Variants in MAP9 observed in about 807,000 individuals in gnomAD.
MAP9 encodes microtubule-associated protein 9.
Under a neutral mutation model 75.2 loss-of-function variants are expected in MAP9, and 80 were observed. The ratio of observed to expected loss-of-function variants is 1.06; its 90% CI spans 0.89 to 1.28. The LOEUF (loss-of-function observed/expected upper bound fraction) is 1.28. Among genes scored for constraint, MAP9 ranks in the 50% most tolerant of loss-of-function variants. The probability of loss-of-function intolerance (pLI) is 0.00; values close to 1 mark genes in which losing one functional copy is unlikely to be tolerated. For synonymous variants in MAP9, 235 were observed against 237.3 expected, an observed-to-expected ratio of 0.99 and a Z score of 0.09; for missense variants, 753 against 719.9, an observed-to-expected ratio of 1.05 and a Z score of -0.53.
In MAP9 at chr4:155,357,568, T is replaced by G. The variant is rs749193843; in HGVS notation, c.1051-49A>C. The G allele has an allele frequency of 1.5e-5, 17 of 1,162,526 alleles. 1 individual carries two copies. In the East Asian group the frequency reaches 4.0e-4, roughly 28 times the overall value. The allele number at this position is 1,162,526 out of a possible 1,614,324, so 72.0% of individuals were successfully genotyped here. ...ATGATTTATTCATGACAACTATCCT[T>G]TTTAGGCTTAGAAGCCAAACTGCCA... On this transcript the variant is annotated intron_variant, in intron 7 of 13. Coordinates refer to ENST00000311277, the MANE Select transcript of MAP9 (RefSeq NM_001039580.2).
At position 155,357,476 on chromosome 4, in the gene MAP9, T is replaced by C; in HGVS notation, c.1094A>G (p.Asn365Ser). 1 of 1,560,992 alleles carries C rather than the reference T, an allele frequency of 6.4e-7. No individual in the cohort carries two copies. Among genetic ancestry groups the C allele is most frequent in the Non-Finnish European group, 8.8e-7 (1 of 1,132,640 alleles). ...GGCAGATGCACTGGATGCTCTATTA[T>C]TTGTTGACTTTTTATTCTTTATATT... is the stretch of plus-strand genomic sequence containing the variant. ...DRNIKNKKST[N>S]NRASSASARL... Residue 365 changes from asparagine (N) to serine (S), a missense_variant, in exon 8 of 14, where the codon AAT becomes AGT. By Grantham distance (46) the Asn-to-Ser change is conservative. Transcript: ENST00000311277.
rs1289562688 is a variant in MAP9, at chr4:155,364,415, T to C, written c.709-2274A>G. Among the ~76,000 whole-genome samples, 6 of 149,612 alleles carry C rather than the reference T, an allele frequency of 4.0e-5. 1 individual carries two copies. In the South Asian group the frequency reaches 6.2e-4, roughly 16 times the overall value. ...GAAATGAAGATCCCTAGAAATTGTA[T>C]ATGTATTTATAGATATGTAATATCT... On this transcript the variant is annotated intron_variant, in intron 5 of 13. Coordinates refer to ENST00000311277, the MANE Select transcript of MAP9 (RefSeq NM_001039580.2).
intron 3 of MAP9, among the ~76,000 whole-genome samples, chr4:155,374,570 C>G (rs1322841190): frequency 6.6e-6 from 1 of 152,128 alleles, no homozygotes; most frequent in Non-Finnish European, 1.5e-5. Context: ...AAGTTTAGTT[C>G]TGTGGGACTA....
At chr4:155,365,162 T>G (rs963269525) in intron 5 of MAP9, among the ~76,000 whole-genome samples, 1 of 151,916 alleles carries the variant, frequency 6.6e-6, no homozygotes, top group African/African-American at 2.4e-5. Flanking sequence ...AGAGATTCAC[T>G]TACATGAAAA....
At chr4:155,356,030 G>GA in intron 8 of MAP9, 146 bp from the exon 9 acceptor site, 9 of 698,316 alleles carry the variant, frequency 1.3e-5, no homozygotes, top group Non-Finnish European at 2.1e-5. Flanking sequence ...GAAGGCCAAA[G>GA]TGGGTGGATG....
chr4:155,366,156 C>T (rs1732315337), intron 5 of MAP9, among the ~76,000 whole-genome samples: 2 of 152,066 alleles, frequency 1.3e-5, no homozygotes, highest in African/African-American at 4.8e-5. Flanking sequence ...GTCAGGAGAT[C>T]GAGACCATCC....
intron 10 of MAP9, among the ~76,000 whole-genome samples, chr4:155,354,610 C>T (rs1254532912): frequency 6.6e-6 from 1 of 151,678 alleles, no homozygotes. Flanking sequence ...ATTACAGGTG[C>T]CCACCACCAT....
chr4:155,356,677 T>G (rs753935863), intron 8 of MAP9, among the ~76,000 whole-genome samples: 1 of 152,204 alleles, frequency 6.6e-6, no homozygotes, highest in Non-Finnish European at 1.5e-5. Context: ...ACAAAGTTTA[T>G]TGCACCATAG....
At chr4:155,348,781 T>C (rs150760345) in intron 13 of MAP9, among the ~76,000 whole-genome samples, 33 of 152,320 alleles carry the variant, frequency 2.2e-4, no homozygotes, top group African/African-American at 7.7e-4. Flanking sequence ...TAAATATTAA[T>C]GATATCTTTG....
At chr4:155,356,285 T>TA (rs932298365) in intron 8 of MAP9, among the ~76,000 whole-genome samples, 7 of 151,906 alleles carry the variant, frequency 4.6e-5, no homozygotes, top group African/African-American at 1.7e-4. Flanking sequence ...AATTGGAAAC[T>TA]ACATTATAAT....
In MAP9 at chr4:155,357,515, G is replaced by A. The variant is rs1731848637; in HGVS notation, c.1055C>T (p.Thr352Ile). 1 of 1,502,290 alleles carries A rather than the reference G, an allele frequency of 6.7e-7. No homozygotes were observed. Among genetic ancestry groups the A allele is most frequent in the Non-Finnish European group, 9.2e-7 (1 of 1,081,182 alleles). The allele number at this position is 1,502,290 out of a possible 1,614,324, so 93.1% of individuals were successfully genotyped here. ...ATTCTTTATATTTCTATCTTCAATT[G>A]TTTTCTATTAAACAGAAAATGCCAA... Reference protein sequence around the residue: ...STSATASSKKTIEDRNIKNKK... With the variant: ...STSATASSKKIIEDRNIKNKK... Residue 352 changes from threonine (T) to isoleucine (I), a missense_variant, in exon 8 of 14, where the codon ACA becomes ATA. Physicochemically the swap from Thr to Ile is moderately conservative, Grantham distance 89. Coordinates refer to ENST00000311277, the MANE Select transcript of MAP9 (RefSeq NM_001039580.2).
chr4:155,356,001 C>G (rs1334753845), intron 8 of MAP9, 117 bp from the exon 9 acceptor site: 1 of 912,504 alleles, frequency 1.1e-6, no homozygotes, highest in Non-Finnish European at 1.6e-6. Context: ...TGGCTCACAC[C>G]TGTAATCCCA....
Position 155,368,755 on chromosome 4 carries a change from C to T in MAP9, c.539G>A (p.Ser180Asn). ...DHFKPSPRPR[S>N]MLKKKSHMEE... is the part of the protein sequence containing the mutation. ...CATGTGACTTTTCTTTTTCAACATACTCCTTGGCCGAGGTGATGGTTTAAA... is the reference window on the plus strand; with the variant it reads ...CATGTGACTTTTCTTTTTCAACATATTCCTTGGCCGAGGTGATGGTTTAAA... The change falls in exon 5 of 14, where the codon AGT (serine) becomes AAT (asparagine). Residue 180 changes from serine to asparagine, a missense_variant. Transcript: ENST00000311277. The T allele has an allele frequency of 6.2e-7, 1 of 1,614,024 alleles. No individual in the cohort carries two copies. The highest frequency in any genetic ancestry group is 8.5e-7 in the Non-Finnish European group (1 of 1,179,888).
At chr4:155,347,968 T>C in intron 13 of MAP9, 63 bp from the exon 14 acceptor site, 1 of 1,079,610 alleles carries the variant, frequency 9.3e-7, no homozygotes, top group Non-Finnish European at 1.3e-6. Flanking sequence ...TCAAATCAGG[T>C]TGCTTGCTGA....
intron 7 of MAP9, among the ~76,000 whole-genome samples, chr4:155,358,060 T>C (rs1472347662): frequency 6.6e-6 from 1 of 152,182 alleles, no homozygotes; most frequent in Non-Finnish European, 1.5e-5. Flanking sequence ...GGAATTCTTG[T>C]GATGAGAAAC....
intron 10 of MAP9, 61 bp from the exon 11 acceptor site, chr4:155,353,401 T>C: frequency 7.9e-7 from 1 of 1,273,310 alleles, no homozygotes; most frequent in Non-Finnish European, 1.0e-6. Flanking sequence ...TAGACACAAA[T>C]ATGGCTAGAT....
chr4:155,352,492 A>C, intron 13 of MAP9, 104 bp downstream of exon 13: 2 of 1,135,500 alleles, frequency 1.8e-6, no homozygotes, highest in African/African-American at 1.6e-5. Flanking sequence ...GATTCCAGGT[A>C]GAAATGATCA....
chr4:155,355,005 A>G, intron 10 of MAP9, 66 bp downstream of exon 10: 2 of 656,688 alleles, frequency 3.0e-6, no homozygotes, highest in Non-Finnish European at 5.0e-6. Context: ...TAGAAAAGTT[A>G]TATATTCAGG....
chr4:155,375,846 G>A lies in MAP9; in HGVS notation c.5C>T (p.Ser2Phe), dbSNP rs1560820712. 4 of 1,605,200 alleles carry A rather than the reference G, an allele frequency of 2.5e-6. No homozygotes were observed. Among genetic ancestry groups the A allele is most frequent in the Non-Finnish European group, 2.6e-6 (3 of 1,174,296 alleles). Residue 2 changes from serine (S) to phenylalanine (F), a missense_variant, in exon 2 of 14, where the codon TCT becomes TTT. Coordinates refer to ENST00000311277, the MANE Select transcript of MAP9 (RefSeq NM_001039580.2). ...CAAAGTGGTGCTAAAAACTTCATCA[G>A]ACATAGTGTATTTTTTCTCGTTACC... is the stretch of plus-strand genomic sequence containing the variant. M[S>F]DEVFSTTLAY...
Sources: gnomAD v4.1 joint callset for allele counts (sites outside exome capture counted in the v4.1 genomes callset) on GRCh38, gnomAD v4.1.1 for gene constraint, MANE v1.5 for transcripts, NCBI Gene and HGNC (gene_info 2026-07-23, HGNC 2026-07-21) for gene names.